Variants in IFT56 observed in about 807,000 individuals in gnomAD.
The protein encoded by IFT56 is intraflagellar transport protein 56.
At chr7:139,161,324 G>A in the IFT56 span, 4 of 291,874 alleles carry the variant, frequency 1.4e-5, no homozygotes, top group East Asian at 1.9e-4. Context: ...AAATAAATGG[G>A]AAATATTTTT....
the IFT56 span, among the ~76,000 whole-genome samples, chr7:139,137,050 G>A: frequency 6.6e-6 from 1 of 152,084 alleles, no homozygotes; most frequent in African/African-American, 2.4e-5. Context: ...TCTTCATCTT[G>A]TAATGACTGA....
the IFT56 span, among the ~76,000 whole-genome samples, chr7:139,185,556 C>T: frequency 6.6e-6 from 1 of 151,950 alleles, no homozygotes; most frequent in Admixed American, 6.5e-5. Flanking sequence ...AGTATTCGTT[C>T]ATATAAAGTT....
the IFT56 span, chr7:139,140,154 G>A: frequency 1.8e-6 from 1 of 547,538 alleles, no homozygotes; most frequent in African/African-American, 2.0e-5. Flanking sequence ...AAAGAATATT[G>A]GATTTGAGTA....
the IFT56 span, chr7:139,187,685 C>A: frequency 9.7e-7 from 1 of 1,033,054 alleles, no homozygotes. Flanking sequence ...TTAAATATTT[C>A]TGTCTGACCA....
chr7:139,138,720 T>C, the IFT56 span, among the ~76,000 whole-genome samples: 1 of 152,214 alleles, frequency 6.6e-6, no homozygotes, highest in Non-Finnish European at 1.5e-5. Flanking sequence ...TTTATATTTT[T>C]ACAAGTAGAA....
the IFT56 span, chr7:139,187,340 T>C: frequency 5.7e-6 from 9 of 1,570,470 alleles, no homozygotes; most frequent in Non-Finnish European, 7.8e-6. Context: ...ATGTTATCTT[T>C]ATGTTCAGGT....
At chr7:139,137,667 A>G in the IFT56 span, among the ~76,000 whole-genome samples, 1 of 152,220 alleles carries the variant, frequency 6.6e-6, no homozygotes, top group Non-Finnish European at 1.5e-5. Context: ...TGAAAATATA[A>G]ATTTCTGTGA....
At chr7:139,158,999 A>G in the IFT56 span, among the ~76,000 whole-genome samples, 2 of 152,218 alleles carry the variant, frequency 1.3e-5, no homozygotes, top group African/African-American at 2.4e-5. Context: ...CATATCACAT[A>G]TTAGATAGCT....
the IFT56 span, among the ~76,000 whole-genome samples, chr7:139,140,384 G>C: frequency 1.1e-4 from 16 of 152,176 alleles, no homozygotes; most frequent in Non-Finnish European, 2.2e-4. Context: ...AGCAATTTCA[G>C]TTTGAAGAAT....
chr7:139,166,200 C>T, the IFT56 span, among the ~76,000 whole-genome samples: 7 of 152,266 alleles, frequency 4.6e-5, no homozygotes, highest in East Asian at 1.9e-4. Flanking sequence ...TCAGGTGATC[C>T]GCCTGCCTCA....
the IFT56 span, chr7:139,189,417 C>G: frequency 6.2e-7 from 1 of 1,612,108 alleles, no homozygotes; most frequent in South Asian, 1.1e-5. Context: ...CCAAAGAAAA[C>G]AGAGTGTCCA....
the IFT56 span, among the ~76,000 whole-genome samples, chr7:139,138,678 C>A: frequency 5.3e-5 from 8 of 152,070 alleles, no homozygotes; most frequent in South Asian, 1.0e-3. Flanking sequence ...TTTTCCTTTG[C>A]TTGGTTATTT....
the IFT56 span, among the ~76,000 whole-genome samples, chr7:139,186,639 A>G: frequency 9.2e-5 from 14 of 152,160 alleles, no homozygotes; most frequent in Non-Finnish European, 2.1e-4. Flanking sequence ...GAACAAGACT[A>G]GGGAAAGACC....
the IFT56 span, chr7:139,190,984 A>G: frequency 6.6e-6 from 1 of 152,124 alleles, no homozygotes; most frequent in Admixed American, 6.5e-5. Flanking sequence ...CCAGCACTCC[A>G]CTTGTGGATG....
chr7:139,179,864 A>G, the IFT56 span, among the ~76,000 whole-genome samples: 1 of 152,176 alleles, frequency 6.6e-6, no homozygotes, highest in Non-Finnish European at 1.5e-5. Flanking sequence ...ACTATATAGC[A>G]TTGACCTAGT....
chr7:139,134,194 G>C, the IFT56 span, among the ~76,000 whole-genome samples: 2 of 152,214 alleles, frequency 1.3e-5, no homozygotes, highest in South Asian at 2.1e-4. Context: ...TTGGCTGATG[G>C]CTCTTCTAGT....
chr7:139,172,129 CAA>C, the IFT56 span, among the ~76,000 whole-genome samples: 12 of 80,952 alleles, frequency 1.5e-4, no homozygotes, highest in Admixed American at 2.4e-4. Context: ...AACCAATTTG[CAA>C]AAAAAAAAAA....
chr7:139,160,787 A>T, the IFT56 span, among the ~76,000 whole-genome samples: 2 of 152,184 alleles, frequency 1.3e-5, no homozygotes, highest in African/African-American at 4.8e-5. Context: ...TATTGCTCTC[A>T]TTTGAAAATG....
chr7:139,173,048 C>A, the IFT56 span: 1 of 734,194 alleles, frequency 1.4e-6, no homozygotes, highest in South Asian at 1.4e-5. Context: ...GACTGCAATG[C>A]TTCCAACTCA....
Sources: gnomAD v4.1 joint callset for allele counts (sites outside exome capture counted in the v4.1 genomes callset) on GRCh38, gnomAD v4.1.1 for gene constraint, MANE v1.5 for transcripts, NCBI Gene and HGNC (gene_info 2026-07-23, HGNC 2026-07-21) for gene names.